LSAMP: variants seen among roughly 807,000 people sequenced by gnomAD.
LSAMP encodes the protein limbic system associated membrane protein, also known as limbic system-associated membrane protein.
LSAMP carries 7 observed loss-of-function variants against 38.6 expected under a neutral mutation model. That is an observed-to-expected ratio of 0.18 (90% CI 0.10 to 0.34). LSAMP has a LOEUF of 0.34. Among genes scored for constraint, LSAMP ranks in the 10% least tolerant of loss-of-function variants. The pLI, the probability that LSAMP is intolerant of heterozygous loss-of-function variation, is 1.00. For synonymous variants in LSAMP, 154 were observed against 166.8 expected, an observed-to-expected ratio of 0.92 and a Z score of 0.59; for missense variants, 313 against 420.0, an observed-to-expected ratio of 0.75 and a Z score of 2.23.
intron 1 of LSAMP, among the ~76,000 whole-genome samples, chr3:116,345,564 T>C (rs1029329307): frequency 3.3e-5 from 5 of 152,266 alleles, no homozygotes; most frequent in African/African-American, 7.2e-5. Flanking sequence ...GGATACTTAG[T>C]TACATTCAGT....
At chr3:116,237,091 A>C (rs946637453) in intron 1 of LSAMP, among the ~76,000 whole-genome samples, 13 of 152,084 alleles carry the variant, frequency 8.5e-5, no homozygotes, top group African/African-American at 3.1e-4. Flanking sequence ...ATGACATCAA[A>C]AATATGCCTA....
At chr3:116,408,194 T>C (rs917122982) in intron 1 of LSAMP, among the ~76,000 whole-genome samples, 1 of 152,136 alleles carries the variant, frequency 6.6e-6, no homozygotes, top group South Asian at 2.1e-4. Context: ...AATGATTATA[T>C]ATTGCCTACA....
intron 1 of LSAMP, among the ~76,000 whole-genome samples, chr3:116,331,525 C>T (rs986007381): frequency 6.6e-6 from 1 of 152,132 alleles, no homozygotes; most frequent in African/African-American, 2.4e-5. Flanking sequence ...ATGAGAGCTA[C>T]TCAATAAGAT....
At chr3:115,891,770 G>T (rs181972419) in intron 3 of LSAMP, among the ~76,000 whole-genome samples, 40 of 152,034 alleles carry the variant, frequency 2.6e-4, no homozygotes, top group Non-Finnish European at 4.4e-4. Flanking sequence ...GATTAGAGTT[G>T]TTGCCTCCCA....
chr3:116,187,962 T>C (rs939438048), intron 1 of LSAMP, among the ~76,000 whole-genome samples: 1 of 152,114 alleles, frequency 6.6e-6, no homozygotes, highest in Non-Finnish European at 1.5e-5. Flanking sequence ...CATCCTCCAA[T>C]AGGCCCCAGG....
chr3:116,368,217 A>G (rs1461793846), intron 1 of LSAMP: 1 of 152,248 alleles, frequency 6.6e-6, no homozygotes, highest in Non-Finnish European at 1.5e-5. Context: ...GAGGAGGAGG[A>G]GAATGCTCCC....
rs574605536 is a variant in LSAMP, at chr3:116,195,365, T to C, written c.156-108809A>G. On this transcript the variant is annotated intron_variant, in intron 1 of 6. Transcript: ENST00000490035. Reference sequence around the variant, plus strand: ...GTCTTCACCAATACAACCATCTTTTTTTCAGGCTTTCTATTATTAAAAGCA... The same window carrying C: ...GTCTTCACCAATACAACCATCTTTTCTTCAGGCTTTCTATTATTAAAAGCA... Among the ~76,000 whole-genome samples, 9 of 152,358 alleles carry C rather than the reference T, an allele frequency of 5.9e-5. No individual in the cohort carries two copies. The East Asian group carries it at 7.7e-4, about 13-fold the overall frequency.
chr3:116,007,331 A>T (rs1940190653), intron 3 of LSAMP, among the ~76,000 whole-genome samples: 1 of 152,180 alleles, frequency 6.6e-6, no homozygotes, highest in Non-Finnish European at 1.5e-5. Context: ...AAGTTTCTTA[A>T]GTGACATGGG....
At chr3:116,340,685 A>G (rs964050436) in intron 1 of LSAMP, among the ~76,000 whole-genome samples, 3 of 152,068 alleles carry the variant, frequency 2.0e-5, no homozygotes, top group Admixed American at 2.0e-4. Context: ...CTATCTACAT[A>G]TAAAAATATC....
intron 3 of LSAMP, among the ~76,000 whole-genome samples, chr3:115,940,721 G>A (rs1289061075): frequency 6.6e-6 from 1 of 152,146 alleles, no homozygotes; most frequent in East Asian, 1.9e-4. Context: ...AACCACATAT[G>A]TTTGGGTTTA....
chr3:115,983,413 C>T (rs1025589019), intron 3 of LSAMP, among the ~76,000 whole-genome samples: 4 of 152,208 alleles, frequency 2.6e-5, no homozygotes, highest in African/African-American at 9.6e-5. Flanking sequence ...GTCCCAGCTA[C>T]TTGAGGCTGA....
intron 1 of LSAMP, among the ~76,000 whole-genome samples, chr3:116,393,862 G>A (rs2048735239): frequency 6.6e-6 from 1 of 152,158 alleles, no homozygotes. Flanking sequence ...TTCAAGGTTG[G>A]TGGCATTAAG....
intron 3 of LSAMP, among the ~76,000 whole-genome samples, chr3:115,905,810 C>T (rs1936994724): frequency 1.3e-5 from 2 of 152,092 alleles, no homozygotes; most frequent in South Asian, 4.1e-4. Context: ...CTGGCTGCTT[C>T]TCAGGAGCAT....
intron 2 of LSAMP, among the ~76,000 whole-genome samples, chr3:116,038,139 A>G (rs1312097683): frequency 6.6e-6 from 1 of 152,152 alleles, no homozygotes; most frequent in African/African-American, 2.4e-5. Context: ...TTTCAGTCCC[A>G]GTTCCTCAAT....
intron 1 of LSAMP, among the ~76,000 whole-genome samples, chr3:116,138,187 G>T (rs1057496480): frequency 2.0e-5 from 3 of 152,048 alleles, no homozygotes; most frequent in African/African-American, 7.2e-5. Context: ...TTCCAACAGG[G>T]CTTGCAAATT....
chr3:116,156,197 A>G (rs1452966520), intron 1 of LSAMP, among the ~76,000 whole-genome samples: 1 of 152,130 alleles, frequency 6.6e-6, no homozygotes, highest in African/African-American at 2.4e-5. Context: ...CAGGAAAGGA[A>G]ATGAAAGAAG....
chr3:115,956,199 C>T (rs559539537), intron 3 of LSAMP, among the ~76,000 whole-genome samples: 7 of 151,520 alleles, frequency 4.6e-5, no homozygotes, highest in Admixed American at 2.0e-4. Context: ...TGACCAGAGA[C>T]GAAGACTTGG....
intron 1 of LSAMP, among the ~76,000 whole-genome samples, chr3:116,432,429 A>G (rs989688632): frequency 6.6e-6 from 1 of 151,848 alleles, no homozygotes; most frequent in East Asian, 1.9e-4. Flanking sequence ...ATTATACTTC[A>G]TAACAGATCC....
intron 2 of LSAMP, among the ~76,000 whole-genome samples, chr3:116,032,045 G>A (rs571414571): frequency 6.6e-6 from 1 of 152,230 alleles, no homozygotes; most frequent in South Asian, 2.1e-4. Flanking sequence ...TGTCATTCAT[G>A]CAGGGTTTGG....
Sources: gnomAD v4.1 joint callset for allele counts (sites outside exome capture counted in the v4.1 genomes callset) on GRCh38, gnomAD v4.1.1 for gene constraint, MANE v1.5 for transcripts, NCBI Gene and HGNC (gene_info 2026-07-23, HGNC 2026-07-21) for gene names.